TNFRSF10D: variants seen among roughly 807,000 people sequenced by gnomAD.
TNFRSF10D encodes the protein TNF receptor superfamily member 10d.
TNFRSF10D carries 28 observed loss-of-function variants against 42.1 expected under a neutral mutation model. That is an observed-to-expected ratio of 0.66 (90% CI 0.49 to 0.91). TNFRSF10D has a LOEUF of 0.91. Among genes scored for constraint, TNFRSF10D ranks in the 40% least tolerant of loss-of-function variants. The pLI, the probability that TNFRSF10D is intolerant of heterozygous loss-of-function variation, is 0.00. For missense variants in TNFRSF10D, 503 were observed against 486.1 expected (o/e 1.03, Z -0.33); for synonymous variants, 186 against 189.4 (o/e 0.98, Z 0.15).
intron 1 of TNFRSF10D, among the ~76,000 whole-genome samples, chr8:23,156,805 G>A (rs1030180315): frequency 1.3e-5 from 2 of 152,150 alleles, no homozygotes; most frequent in Non-Finnish European, 2.9e-5. Context: ...GAGCTCAAGC[G>A]TTCTGCCTGC....
chr8:23,146,306 C>G (rs1040323755), intron 4 of TNFRSF10D, among the ~76,000 whole-genome samples: 1 of 152,202 alleles, frequency 6.6e-6, no homozygotes, highest in Non-Finnish European at 1.5e-5. Flanking sequence ...GAGTCCTCGC[C>G]CCACCCTGTC....
At chr8:23,146,932 C>A in intron 4 of TNFRSF10D, 29 bp downstream of exon 4, 1 of 1,581,496 alleles carries the variant, frequency 6.3e-7, no homozygotes, top group South Asian at 1.1e-5. Flanking sequence ...TTCCTGAAAG[C>A]TGTTGGGAGC....
rs561170205 is a variant in TNFRSF10D at position 23,147,109 on chromosome 8, C to T, written c.371-37G>A. ...GCATAAGGTTTTGAGAATGTGTTTC[C>T]CTGACATGTCTGTCCACCCTTCCTC... On this transcript the variant is annotated intron_variant, in intron 3 of 8. Transcript: ENST00000312584. The T allele has an allele frequency of 6.4e-6, 10 of 1,566,264 alleles. No homozygotes were observed. In the South Asian group the frequency reaches 1.1e-4, roughly 17 times the overall value.
At chr8:23,146,303 C>T (rs912845731) in intron 4 of TNFRSF10D, among the ~76,000 whole-genome samples, 1 of 152,230 alleles carries the variant, frequency 6.6e-6, no homozygotes, top group African/African-American at 2.4e-5. Flanking sequence ...AGTGAGTCCT[C>T]GCCCCACCCT....
intron 7 of TNFRSF10D, among the ~76,000 whole-genome samples, chr8:23,142,095 C>T (rs1800032524): frequency 6.6e-6 from 1 of 152,126 alleles, no homozygotes; most frequent in African/African-American, 2.4e-5. Flanking sequence ...GACGGTGAAA[C>T]CCCGTCTCTA....
At chr8:23,152,767 C>T (rs558882124) in intron 2 of TNFRSF10D, among the ~76,000 whole-genome samples, 1 of 152,272 alleles carries the variant, frequency 6.6e-6, no homozygotes, top group African/African-American at 2.4e-5. Flanking sequence ...TTAGAAAACT[C>T]AATATTGCTT....
intron 3 of TNFRSF10D, among the ~76,000 whole-genome samples, chr8:23,147,492 G>A (rs993708703): frequency 6.6e-6 from 1 of 152,212 alleles, no homozygotes; most frequent in Admixed American, 6.5e-5. Flanking sequence ...GGAGGAGAGA[G>A]CCTGGCCACG....
At position 23,137,974 on chromosome 8, in the gene TNFRSF10D, G is replaced by C; in HGVS notation, c.1057C>G (p.Leu353Val). ...ISTLLDASAT[L>V]EEGHAKETIQ... ...GTTTCCTTTGCATGTCCTTCTTCCA[G>C]TGTTGCCGAGGCATCCAGCAAGGTG... Residue 353 changes from leucine to valine, a missense_variant, in exon 9 of 9, where the codon CTG (leucine) becomes GTG (valine). Leu to Val is a conservative substitution (Grantham distance 32). Transcript: ENST00000312584. 6.2e-7 allele frequency: 1 copy of C among 1,614,118 alleles called. No homozygotes were observed.
Position 23,136,885 on chromosome 8 carries a change from A to G in TNFRSF10D, c.*985T>C, listed in dbSNP as rs1273424623. The G allele has an allele frequency of 6.6e-6, 1 of 152,044 alleles. No individual in the cohort carries two copies. The highest frequency in any genetic ancestry group is 1.5e-5 in the Non-Finnish European group (1 of 68,018). The allele number at this position is 152,044 out of a possible 1,614,324, so 9.4% of individuals were successfully genotyped here. On this transcript the variant is annotated 3_prime_UTR_variant, in exon 9 of 9. Coordinates refer to ENST00000312584, the MANE Select transcript of TNFRSF10D (RefSeq NM_003840.5). The stretch of plus-strand genomic sequence containing the variant: ...CCCTTGAGAAGCTGCCAGCCATCAA[A>G]CCCTGGTCCAGTCTCAGGGCGCAGG...
At chr8:23,141,465 A>C (rs1369252144) in intron 7 of TNFRSF10D, among the ~76,000 whole-genome samples, 1 of 151,746 alleles carries the variant, frequency 6.6e-6, no homozygotes, top group African/African-American at 2.4e-5. Flanking sequence ...AGATCATGCC[A>C]CTGAATTCCA....
intron 5 of TNFRSF10D, 70 bp from the exon 6 acceptor site, chr8:23,145,159 G>A: frequency 6.2e-7 from 1 of 1,601,152 alleles, no homozygotes; most frequent in East Asian, 2.2e-5. Flanking sequence ...AGAGGACAGT[G>A]GGGCGCAGGG....
Position 23,138,140 on chromosome 8 carries a change from T to A in TNFRSF10D, c.1027+48A>T, listed in dbSNP as rs550940477. ...TATAGGGACAGCAGTTAGGACACCG[T>A]CCCTATTCCCTGTCCTCCTGCTGCG... On this transcript the variant is annotated intron_variant, in intron 8 of 8. Coordinates refer to ENST00000312584, the MANE Select transcript of TNFRSF10D (RefSeq NM_003840.5). The A allele has an allele frequency of 1.9e-5, 31 of 1,613,068 alleles. 1 individual carries two copies. In the South Asian group the frequency reaches 3.3e-4, roughly 17 times the overall value.
Position 23,154,977 on chromosome 8 carries a change from G to T in TNFRSF10D, c.153C>A (p.Val51=). Residue 51 remains valine (V), a splice_region_variant and synonymous_variant, in exon 2 of 9, where the codon GTC becomes GTA. Coordinates refer to ENST00000312584, the MANE Select transcript of TNFRSF10D (RefSeq NM_003840.5). ...GGGGGATGGTGGCAGAGTCAACCCG[G>T]ACCTGTGGGGACAAGGCAGAGATGG... ...VVFIVAVLLP[V]RVDSATIPRQ... 1 of 1,608,634 alleles carries T rather than the reference G, an allele frequency of 6.2e-7. No individual in the cohort carries two copies. Among genetic ancestry groups the T allele is most frequent in the South Asian group, 1.1e-5 (1 of 90,244 alleles).
rs954475564 is a variant in TNFRSF10D, at chr8:23,135,657, A to G, written c.*2213T>C. ...AGTATTTCATATATAACCAGGTGTT[A>G]TGTGCTATTTGGCCCGGGTATAAAG... On this transcript the variant is annotated 3_prime_UTR_variant, in exon 9 of 9. Transcript: ENST00000312584. The G allele has an allele frequency of 2.2e-5, 6 of 272,510 alleles. No homozygotes were observed. The highest frequency in any genetic ancestry group is 1.1e-4 in the African/African-American group (5 of 45,144). The allele number at this position is 272,510 out of a possible 1,614,324, so 16.9% of individuals were successfully genotyped here. A position where few individuals can be genotyped will look rare whatever the true frequency, so the allele number is the denominator to read the frequency against.
At chr8:23,156,969 T>C (rs1023874054) in intron 1 of TNFRSF10D, among the ~76,000 whole-genome samples, 3 of 152,236 alleles carry the variant, frequency 2.0e-5, no homozygotes, top group South Asian at 2.1e-4. Context: ...GATTGATTAA[T>C]GTAGATCTTC....
chr8:23,161,329 T>A (rs1465311593), intron 1 of TNFRSF10D, among the ~76,000 whole-genome samples: 491 of 151,356 alleles, frequency 3.2e-3, no homozygotes, highest in African/African-American at 0.01. Context: ...GGCCGTTGGA[T>A]CTTTTCGATT....
rs1158950586 is a variant in TNFRSF10D, at chr8:23,150,078, A to T, written c.257-1527T>A. ...GGGCATGATAAAGGCATGATAAGCT[A>T]AGATATCAGTCTTAGCTTGTGCCTT... On this transcript the variant is annotated intron_variant, in intron 2 of 8. Coordinates refer to ENST00000312584, the MANE Select transcript of TNFRSF10D (RefSeq NM_003840.5). Among the ~76,000 whole-genome samples the T allele has an allele frequency of 2.6e-5, 4 of 152,214 alleles. 1 individual carries two copies. The South Asian group carries it at 6.2e-4, about 24-fold the overall frequency.
At chr8:23,140,424 T>C (rs929107348) in intron 7 of TNFRSF10D, among the ~76,000 whole-genome samples, 2 of 149,728 alleles carry the variant, frequency 1.3e-5, no homozygotes, top group African/African-American at 4.9e-5. Flanking sequence ...ACACAATACC[T>C]AGAAATACCT....
intron 1 of TNFRSF10D, among the ~76,000 whole-genome samples, chr8:23,157,091 G>A (rs1800291387): frequency 6.6e-6 from 1 of 151,940 alleles, no homozygotes; most frequent in African/African-American, 2.4e-5. Context: ...CTACATTTCA[G>A]TAGTTTTTTA....
Sources: gnomAD v4.1 joint callset for allele counts (sites outside exome capture counted in the v4.1 genomes callset) on GRCh38, gnomAD v4.1.1 for gene constraint, MANE v1.5 for transcripts, NCBI Gene and HGNC (gene_info 2026-07-23, HGNC 2026-07-21) for gene names.